Variants in CELF4 observed in about 807,000 individuals in gnomAD.
CELF4 encodes CUGBP Elav-like family member 4, also known as CUG-BP- and ETR-3-like factor 4.
CELF4 carries 18 observed loss-of-function variants against 59.9 expected under a neutral mutation model. The ratio of observed to expected loss-of-function variants is 0.30; its 90% CI spans 0.21 to 0.45. The LOEUF is 0.45. Among genes scored for constraint, CELF4 ranks in the 20% least tolerant of loss-of-function variants. The pLI, the probability that CELF4 is intolerant of heterozygous loss-of-function variation, is 1.00. For synonymous variants in CELF4, 261 were observed against 267.1 expected (o/e 0.98, Z 0.22); for missense variants, 456 against 689.0 (o/e 0.66, Z 3.79).
rs571749587 is a variant in CELF4, at chr18:37,377,396, G to A, written c.370-55515C>T. Reference sequence around the variant, plus strand: ...AAGGAAAAACAAGAAAAAAGAAACAGAAGGAAGAAAATCCCCCTTCCCAGA... The same window carrying A: ...AAGGAAAAACAAGAAAAAAGAAACAAAAGGAAGAAAATCCCCCTTCCCAGA... On this transcript the variant is annotated intron_variant, in intron 2 of 12. Coordinates refer to ENST00000420428, the MANE Select transcript of CELF4 (RefSeq NM_020180.4). Among the ~76,000 whole-genome samples, 258 of 152,318 alleles carry A rather than the reference G, an allele frequency of 1.7e-3. 1 individual carries two copies. Among genetic ancestry groups the A allele is most frequent in the Middle Eastern group, 6.8e-3 (2 of 294 alleles).
chr18:37,526,418 A>C (rs1461412193), intron 1 of CELF4, among the ~76,000 whole-genome samples: 2 of 152,080 alleles, frequency 1.3e-5, no homozygotes, highest in Non-Finnish European at 2.9e-5. Flanking sequence ...GTATTTTCTG[A>C]TTTCCCTAGT....
rs556583641 is a variant in CELF4, at chr18:37,277,966, C to T, written c.449-2723G>A. 5.3e-5 allele frequency among the ~76,000 whole-genome samples: 8 copies of T among 152,350 alleles called. 1 individual carries two copies. The South Asian group carries it at 6.2e-4, about 12-fold the overall frequency. On this transcript the variant is annotated intron_variant, in intron 3 of 12. Coordinates refer to ENST00000420428, the MANE Select transcript of CELF4 (RefSeq NM_020180.4). ...TTTACATGCGGAGACTGCAGCTCCTCGCCTTCGCCTCTCCTGACGTCTGAA... is the reference window on the plus strand; with the variant it reads ...TTTACATGCGGAGACTGCAGCTCCTTGCCTTCGCCTCTCCTGACGTCTGAA...
At chr18:37,247,938 G>A (rs1004849737) in intron 12 of CELF4, among the ~76,000 whole-genome samples, 3 of 152,192 alleles carry the variant, frequency 2.0e-5, no homozygotes, top group African/African-American at 7.2e-5. Flanking sequence ...ACTACAGCCT[G>A]TGGGCCAGCA....
intron 2 of CELF4, among the ~76,000 whole-genome samples, chr18:37,335,145 C>T (rs942928953): frequency 2.5e-4 from 38 of 152,098 alleles, no homozygotes; most frequent in African/African-American, 7.7e-4. Flanking sequence ...AGGCTAATGA[C>T]GAATCGGGTT....
intron 8 of CELF4, 52 bp from the exon 9 acceptor site, chr18:37,266,650 T>TC: frequency 7.1e-7 from 1 of 1,413,840 alleles, no homozygotes. Flanking sequence ...CACTGGCCCT[T>TC]CCCCTCATGC....
intron 10 of CELF4, among the ~76,000 whole-genome samples, chr18:37,263,204 T>C (rs577882467): frequency 7.8e-4 from 118 of 152,090 alleles, no homozygotes; most frequent in Admixed American, 2.9e-3. Flanking sequence ...AGTGATTTGT[T>C]CAGATTCACA....
At chr18:37,370,439 A>G (rs1165148228) in intron 2 of CELF4, among the ~76,000 whole-genome samples, 1 of 152,150 alleles carries the variant, frequency 6.6e-6, no homozygotes, top group Non-Finnish European at 1.5e-5. Context: ...CCCAGTAGGA[A>G]TCACAGAACC....
intron 1 of CELF4, among the ~76,000 whole-genome samples, chr18:37,497,433 C>T (rs1416162145): frequency 1.3e-5 from 2 of 152,270 alleles, no homozygotes; most frequent in South Asian, 4.1e-4. Context: ...GCGGGCAGAT[C>T]ACGAGGTCAG....
At chr18:37,471,088 C>T (rs905176287) in intron 2 of CELF4, among the ~76,000 whole-genome samples, 1 of 152,052 alleles carries the variant, frequency 6.6e-6, no homozygotes, top group East Asian at 1.9e-4. Flanking sequence ...AGGGCAATGC[C>T]CTCACCAGCT....
chr18:37,478,817 G>A (rs972921141), intron 2 of CELF4, among the ~76,000 whole-genome samples: 1 of 152,216 alleles, frequency 6.6e-6, no homozygotes, highest in African/African-American at 2.4e-5. Context: ...GAACCTTGGT[G>A]TTCCCTTCTG....
At chr18:37,561,178 TGA>T (rs2154606288) in intron 1 of CELF4, among the ~76,000 whole-genome samples, 1 of 152,346 alleles carries the variant, frequency 6.6e-6, no homozygotes, top group Admixed American at 6.5e-5. Flanking sequence ...GCTCCTGGGC[TGA>T]GAGTCCCCCA....
intron 10 of CELF4, among the ~76,000 whole-genome samples, chr18:37,260,988 C>T (rs1182212233): frequency 6.6e-6 from 1 of 152,128 alleles, no homozygotes; most frequent in Non-Finnish European, 1.5e-5. Flanking sequence ...CTCCCCTCAC[C>T]CTGTCCCCTC....
chr18:37,251,283 C>T (rs977345533), intron 12 of CELF4, among the ~76,000 whole-genome samples: 8 of 152,162 alleles, frequency 5.3e-5, no homozygotes, highest in African/African-American at 1.9e-4. Context: ...CTGCCCTTTG[C>T]ATGCCCTGGT....
Position 37,555,881 on chromosome 18 carries a change from G to A in CELF4, c.286+9475C>T, listed in dbSNP as rs143478144. Among the ~76,000 whole-genome samples the A allele has an allele frequency of 8.3e-3, 1,269 of 152,266 alleles. 8 individuals carry two copies. Among genetic ancestry groups the A allele is most frequent in the African/African-American group, 0.021 (854 of 41,528 alleles). ...ATGTGGTATGCAAAAGAATGTGTGCGCATATGCTTGTGTGGTGAATGTATG... is the reference window on the plus strand; with the variant it reads ...ATGTGGTATGCAAAAGAATGTGTGCACATATGCTTGTGTGGTGAATGTATG... On this transcript the variant is annotated intron_variant, in intron 1 of 12. Transcript: ENST00000420428.
chr18:37,372,299 C>T (rs1397509092), intron 2 of CELF4, among the ~76,000 whole-genome samples: 5 of 152,164 alleles, frequency 3.3e-5, no homozygotes, highest in African/African-American at 1.2e-4. Context: ...TACTATGCAG[C>T]CATAACAAAG....
intron 2 of CELF4, among the ~76,000 whole-genome samples, chr18:37,343,096 A>G (rs77227191): frequency 0.02 from 3,002 of 152,296 alleles, 113 homozygotes; most frequent in African/African-American, 0.069. Flanking sequence ...CTGGTGTGCT[A>G]AGAACAGACC....
chr18:37,505,588 T>C (rs1165119549), intron 1 of CELF4, among the ~76,000 whole-genome samples: 1 of 152,022 alleles, frequency 6.6e-6, no homozygotes, highest in African/African-American at 2.4e-5. Context: ...CCCAGGGGAA[T>C]CCTCCCCAGC....
At chr18:37,553,737 G>A (rs540147069) in intron 1 of CELF4, among the ~76,000 whole-genome samples, 36 of 152,266 alleles carry the variant, frequency 2.4e-4, no homozygotes, top group Admixed American at 8.5e-4. Flanking sequence ...TCCCCCACCC[G>A]CGCAGGGAGC....
chr18:37,275,565 AC>A (rs2093032135), intron 3 of CELF4: 1 of 352,910 alleles, frequency 2.8e-6, no homozygotes, highest in African/African-American at 2.2e-5. Context: ...AGGAGCAGAG[AC>A]CCTGGGCTGA....
Sources: gnomAD v4.1 joint callset for allele counts (sites outside exome capture counted in the v4.1 genomes callset) on GRCh38, gnomAD v4.1.1 for gene constraint, MANE v1.5 for transcripts, NCBI Gene and HGNC (gene_info 2026-07-23, HGNC 2026-07-21) for gene names.